JAKMIP1: variants seen among roughly 807,000 people sequenced by gnomAD.
JAKMIP1 encodes the protein janus kinase and microtubule interacting protein 1, also known as janus kinase and microtubule-interacting protein 1.
Under a neutral mutation model 113.0 loss-of-function variants are expected in JAKMIP1, and 33 were observed. That is an observed-to-expected ratio of 0.29 (90% confidence interval 0.22 to 0.39). JAKMIP1 has a LOEUF of 0.39. JAKMIP1 is among the 10% of genes least tolerant of loss of function. JAKMIP1 has a pLI of 1.00. For synonymous variants in JAKMIP1, 480 were observed against 459.9 expected (o/e 1.04, Z -0.56); for missense variants, 813 against 1,080.5 (o/e 0.75, Z 3.47).
chr4:6,054,191 A>C, intron 12 of JAKMIP1, 43 bp from the exon 13 acceptor site: 1 of 1,601,192 alleles, frequency 6.2e-7, no homozygotes. Context: ...GGGTGGGAGC[A>C]CTGGGGTCCC....
intron 1 of JAKMIP1, among the ~76,000 whole-genome samples, chr4:6,152,197 G>A (rs1469308476): frequency 1.9e-4 from 29 of 152,072 alleles, no homozygotes; most frequent in East Asian, 1.9e-4. Flanking sequence ...AAATCAACTC[G>A]GAATAAAACT....
chr4:6,027,111 A>G (rs4689322), intron 20 of JAKMIP1, among the ~76,000 whole-genome samples: 55,165 of 151,556 alleles, frequency 0.36, 10,563 homozygotes, highest in Non-Finnish European at 0.43. Context: ...TAACGGGAGG[A>G]AAAATTAAAC....
chr4:6,085,605 G>A lies in JAKMIP1; in HGVS notation c.649C>T (p.Arg217Cys), dbSNP rs1721176634. The A allele has an allele frequency of 2.5e-6, 4 of 1,613,968 alleles. No homozygotes were observed. Among genetic ancestry groups the A allele is most frequent in the Admixed American group, 1.7e-5 (1 of 60,000 alleles). The part of the protein sequence containing the change: ...RLMDEIKGKD[R>C]VILALEKELG... ...TCCTTCTCCAAGGCCAGAATCACAC[G>A]GTCTTTCCCTTTGATCTCATCCATC... Residue 217 changes from arginine to cysteine, a missense_variant, in exon 4 of 21, where the codon CGT (arginine) becomes TGT (cysteine). By Grantham distance (180) the Arg-to-Cys change is radical. This residue lies in a region of JAKMIP1 where 540 missense variants were observed against 653.9 expected (regional missense o/e 0.83). Transcript: ENST00000409021.
intron 1 of JAKMIP1, among the ~76,000 whole-genome samples, chr4:6,131,219 T>C (rs1441067084): frequency 3.9e-5 from 5 of 128,892 alleles, no homozygotes; most frequent in Non-Finnish European, 8.4e-5. Flanking sequence ...TAAACACATA[T>C]ATAAAAAAAA....
intron 1 of JAKMIP1, among the ~76,000 whole-genome samples, chr4:6,189,206 A>G (rs1726966414): frequency 6.6e-6 from 1 of 152,248 alleles, no homozygotes; most frequent in Non-Finnish European, 1.5e-5. Context: ...TTTCTGAAGA[A>G]CAGCATTCTA....
chr4:6,056,570 G>A lies in JAKMIP1; in HGVS notation c.1707+127C>T, dbSNP rs922837369. 113 of 718,070 alleles carry A rather than the reference G, an allele frequency of 1.6e-4. 7 individuals are homozygous for A. Among genetic ancestry groups the A allele is most frequent in the South Asian group, 4.6e-4 (30 of 65,138 alleles). The allele number at this position is 718,070 out of a possible 1,614,324, so 44.5% of individuals were successfully genotyped here. ...AGACATCTCTCCTCATGGGAGGTGTGCAGGACCCGAGGCCCTGGTCACTGG... is the reference window on the plus strand; with the variant it reads ...AGACATCTCTCCTCATGGGAGGTGTACAGGACCCGAGGCCCTGGTCACTGG... On this transcript the variant is annotated intron_variant, in intron 12 of 20. Coordinates refer to ENST00000409021, the MANE Select transcript of JAKMIP1 (RefSeq NM_001099433.2).
intron 8 of JAKMIP1, among the ~76,000 whole-genome samples, chr4:6,072,122 T>A (rs979959546): frequency 6.6e-6 from 1 of 152,224 alleles, no homozygotes; most frequent in Non-Finnish European, 1.5e-5. Flanking sequence ...GTTGATTTAC[T>A]GAGCACAAGA....
At chr4:6,146,361 T>C (rs1448942658) in intron 1 of JAKMIP1, among the ~76,000 whole-genome samples, 1 of 152,130 alleles carries the variant, frequency 6.6e-6, no homozygotes, top group African/African-American at 2.4e-5. Flanking sequence ...GGCACAATCA[T>C]GGCTGACTGC....
intron 12 of JAKMIP1, among the ~76,000 whole-genome samples, chr4:6,056,472 T>C (rs1291298599): frequency 1.3e-5 from 2 of 152,216 alleles, no homozygotes; most frequent in Non-Finnish European, 2.9e-5. Flanking sequence ...CCAAGGAGGA[T>C]GACCTAAACC....
chr4:6,120,597 G>A (rs1301773498), intron 1 of JAKMIP1, among the ~76,000 whole-genome samples: 2 of 152,182 alleles, frequency 1.3e-5, no homozygotes, highest in Non-Finnish European at 2.9e-5. Context: ...GGAGAGATGG[G>A]GAATGTGCTT....
chr4:6,064,934 G>A lies in JAKMIP1; in HGVS notation c.1377C>T (p.Tyr459=), dbSNP rs376315238. The part of the protein sequence containing the change: ...VDSETLSETS[Y]NTDRTDRTPA... ...GGGTCCTGTCTGTCCTGTCTGTGTT[G>A]TAGGATGTTTCGGACAACGTTTCTG... Residue 459 remains tyrosine, a synonymous_variant, in exon 9 of 21, where the codon TAC becomes TAT. Transcript: ENST00000409021. This position sits in a 1 kb window ranked among gnomAD's most constrained non-coding sequence, Gnocchi z 4.3. The A allele has an allele frequency of 3.7e-6, 6 of 1,614,018 alleles. No individual in the cohort carries two copies. Among genetic ancestry groups the A allele is most frequent in the Admixed American group, 1.7e-5 (1 of 59,994 alleles).
At position 6,137,264 on chromosome 4, in the gene JAKMIP1, C is replaced by T. The variant is rs1023210778; in HGVS notation, c.-147-24267G>A. Among the ~76,000 whole-genome samples the T allele has an allele frequency of 1.3e-5, 2 of 152,214 alleles. No individual in the cohort carries two copies. The highest frequency in any genetic ancestry group is 2.9e-5 in the Non-Finnish European group (2 of 68,042). On this transcript the variant is annotated intron_variant, in intron 1 of 20. Transcript: ENST00000409021. The surrounding 1 kb of genome is among the most constrained non-coding windows in gnomAD (Gnocchi z 4.5). The stretch of plus-strand genomic sequence containing the variant: ...CCAGGTCCTGGCTTCCCCGTGCCAG[C>T]AGCCGGGCTCACCAGGGCCCACTGA...
At chr4:6,145,838 C>A (rs1259732343) in intron 1 of JAKMIP1, among the ~76,000 whole-genome samples, 1 of 152,120 alleles carries the variant, frequency 6.6e-6, no homozygotes, top group Non-Finnish European at 1.5e-5. Context: ...ATGTCCATGT[C>A]CTAATATCTC....
chr4:6,099,306 T>C (rs2108861275), intron 3 of JAKMIP1, among the ~76,000 whole-genome samples: 1 of 152,360 alleles, frequency 6.6e-6, no homozygotes, highest in South Asian at 2.1e-4. Flanking sequence ...CCTTCTTTGC[T>C]ACCCTCTTTT....
intron 1 of JAKMIP1, among the ~76,000 whole-genome samples, chr4:6,195,716 C>T (rs1397038527): frequency 6.6e-6 from 1 of 152,188 alleles, no homozygotes; most frequent in African/African-American, 2.4e-5. Flanking sequence ...TGCAGGTGTG[C>T]GCCTCCCTCT....
chr4:6,108,381 GC>G lies in JAKMIP1; in HGVS notation c.130-2415del, dbSNP rs1165085398. On this transcript the variant is annotated intron_variant, in intron 2 of 20. Coordinates refer to ENST00000409021, the MANE Select transcript of JAKMIP1 (RefSeq NM_001099433.2). This position sits in a 1 kb window ranked among gnomAD's most constrained non-coding sequence, Gnocchi z 5.6. ...CCCAAGTGTAGAGGCACCTACACCA[GC>G]CGCTCCTCAGCACTTGGACTCTAAA... Among the ~76,000 whole-genome samples, 2 of 152,148 alleles carry G rather than the reference GC, an allele frequency of 1.3e-5. No individual in the cohort carries two copies. Among genetic ancestry groups the G allele is most frequent in the Non-Finnish European group, 1.5e-5 (1 of 68,028 alleles).
chr4:6,077,897 G>A (rs1024942941), intron 8 of JAKMIP1, among the ~76,000 whole-genome samples: 6 of 152,084 alleles, frequency 3.9e-5, no homozygotes, highest in Admixed American at 6.6e-5. Context: ...TGATGCCATC[G>A]GTCCACCTTC....
rs141196705 is a variant in JAKMIP1 at position 6,052,374 on chromosome 4, T to A, written c.1806+1676A>T. ...CAAAAGTCATTTTGTAGGCCGGGCATGGTAGCTTATACCTGTAATCCCAGC... is the reference window on the plus strand; with the variant it reads ...CAAAAGTCATTTTGTAGGCCGGGCAAGGTAGCTTATACCTGTAATCCCAGC... On this transcript the variant is annotated intron_variant, in intron 13 of 20. Coordinates refer to ENST00000409021, the MANE Select transcript of JAKMIP1 (RefSeq NM_001099433.2). Among the ~76,000 whole-genome samples, 440 of 152,218 alleles carry A rather than the reference T, an allele frequency of 2.9e-3. 1 individual carries two copies. Among genetic ancestry groups the A allele is most frequent in the African/African-American group, 0.01 (418 of 41,542 alleles).
intron 1 of JAKMIP1, among the ~76,000 whole-genome samples, chr4:6,146,744 G>A (rs1246980875): frequency 6.6e-6 from 1 of 152,192 alleles, no homozygotes; most frequent in Non-Finnish European, 1.5e-5. Context: ...CTGCGGTGGG[G>A]CACAGATGTT....
Sources: allele counts gnomAD v4.1 joint callset (sites outside exome capture counted in the v4.1 genomes callset), GRCh38; gene constraint gnomAD v4.1.1; regional missense constraint gnomAD v4.1.1; non-coding constraint Gnocchi (gnomAD v3.1); transcripts MANE v1.5; gene names NCBI Gene and HGNC (gene_info 2026-07-23, HGNC 2026-07-21).